SBF2: variants seen among roughly 807,000 people sequenced by gnomAD.
SBF2 encodes the protein SET binding factor 2.
A neutral mutation model predicts 225.2 loss-of-function variants in SBF2; 112 were observed. The ratio of observed to expected loss-of-function variants is 0.50; its 90% confidence interval spans 0.43 to 0.58. SBF2 has a LOEUF of 0.58. Ranked by LOEUF, SBF2 falls within the 20% of genes least tolerant of loss-of-function variation. SBF2 has a pLI of 0.00. For synonymous variants in SBF2, 763 were observed against 773.3 expected, an observed-to-expected ratio of 0.99 and a Z score of 0.22; for missense variants, 1,996 against 2,206.2, an observed-to-expected ratio of 0.90 and a Z score of 1.91.
chr11:10,258,807 C>T (rs1434614216), intron 1 of SBF2, among the ~76,000 whole-genome samples: 1 of 151,744 alleles, frequency 6.6e-6, no homozygotes, highest in African/African-American at 2.4e-5. Flanking sequence ...TAAGATATAT[C>T]TTTAAAAATG....
intron 2 of SBF2, among the ~76,000 whole-genome samples, chr11:10,061,956 C>T (rs1444931149): frequency 6.6e-6 from 1 of 152,152 alleles, no homozygotes; most frequent in East Asian, 1.9e-4. Context: ...TGCAAGGCTA[C>T]AGTAACCAAA....
intron 2 of SBF2, among the ~76,000 whole-genome samples, chr11:10,152,375 A>AC (rs5789628): frequency 0.47 from 71,892 of 151,530 alleles, 17,626 homozygotes; most frequent in Non-Finnish European, 0.54. Flanking sequence ...ACATGGAGAA[A>AC]CCCCTCTCTA....
chr11:10,132,970 A>T (rs933633616), intron 2 of SBF2, among the ~76,000 whole-genome samples: 2 of 149,152 alleles, frequency 1.3e-5, no homozygotes, highest in African/African-American at 5.0e-5. Context: ...CGATTGGTGC[A>T]TTCACAAACC....
At chr11:9,959,363 C>T in intron 16 of SBF2, 1 of 789,140 alleles carries the variant, frequency 1.3e-6, no homozygotes, top group East Asian at 2.4e-5. Flanking sequence ...ACTGGAAGGC[C>T]AACCAAAGGG....
chr11:10,106,484 C>G (rs1341969909), intron 2 of SBF2, among the ~76,000 whole-genome samples: 9 of 151,934 alleles, frequency 5.9e-5, no homozygotes, highest in Non-Finnish European at 1.0e-4. Flanking sequence ...AAAAAAATAG[C>G]CGGACGTGGT....
intron 2 of SBF2, among the ~76,000 whole-genome samples, chr11:10,069,293 C>G (rs1950759079): frequency 6.6e-6 from 1 of 151,150 alleles, no homozygotes; most frequent in African/African-American, 2.4e-5. Context: ...AGGTATTTCT[C>G]CTAATGCTAT....
chr11:10,267,739 C>T (rs1356895915), intron 1 of SBF2, among the ~76,000 whole-genome samples: 3 of 152,104 alleles, frequency 2.0e-5, no homozygotes, highest in Non-Finnish European at 4.4e-5. Flanking sequence ...TATTCTTCTA[C>T]AACCAAATTC....
intron 16 of SBF2, among the ~76,000 whole-genome samples, chr11:9,903,611 G>T (rs1861897952): frequency 6.6e-6 from 1 of 152,172 alleles, no homozygotes; most frequent in Admixed American, 6.5e-5. Context: ...GAACGGGAAA[G>T]AAATGAAATA....
intron 32 of SBF2, among the ~76,000 whole-genome samples, chr11:9,805,870 C>G (rs1247454350): frequency 1.3e-5 from 2 of 152,170 alleles, no homozygotes; most frequent in African/African-American, 4.8e-5. Flanking sequence ...ATCCACCCAC[C>G]TTGGCCTCCC....
At chr11:9,885,513 C>T in intron 17 of SBF2, among the ~76,000 whole-genome samples, 1 of 152,044 alleles carries the variant, frequency 6.6e-6, no homozygotes, top group Middle Eastern at 3.2e-3. Flanking sequence ...TCAAGTTTTA[C>T]AAGACATAAG....
chr11:10,147,978 T>C (rs1954967250), intron 2 of SBF2, among the ~76,000 whole-genome samples: 1 of 152,210 alleles, frequency 6.6e-6, no homozygotes, highest in African/African-American at 2.4e-5. Flanking sequence ...GATAAGTAAC[T>C]ATAAACAGCA....
intron 2 of SBF2, among the ~76,000 whole-genome samples, chr11:10,106,314 A>G (rs1393472560): frequency 6.6e-6 from 1 of 152,144 alleles, no homozygotes. Context: ...TAAGGCAATA[A>G]TCCTTTAGAT....
At chr11:10,110,119 T>C (rs1055809597) in intron 2 of SBF2, among the ~76,000 whole-genome samples, 2 of 152,124 alleles carry the variant, frequency 1.3e-5, no homozygotes, top group Non-Finnish European at 1.5e-5. Context: ...TGAGGAAAAA[T>C]AAAACATTTC....
At chr11:10,193,242 A>G (rs896609369) in intron 2 of SBF2, among the ~76,000 whole-genome samples, 2 of 118,980 alleles carry the variant, frequency 1.7e-5, no homozygotes, top group Non-Finnish European at 3.5e-5. Flanking sequence ...CATTTTCAGG[A>G]AAAAAAAAAT....
chr11:9,908,451 C>G (rs1368224893), intron 16 of SBF2, among the ~76,000 whole-genome samples: 1 of 152,030 alleles, frequency 6.6e-6, no homozygotes, highest in Non-Finnish European at 1.5e-5. Flanking sequence ...CGGTGAAACC[C>G]CGTCTCTACT....
At chr11:9,915,249 C>T (rs1453412189) in intron 16 of SBF2, among the ~76,000 whole-genome samples, 3 of 151,822 alleles carry the variant, frequency 2.0e-5, no homozygotes, top group Non-Finnish European at 4.4e-5. Context: ...GAGATTGAGA[C>T]GGTCCTGGCC....
chr11:9,909,901 C>A (rs560850534), intron 16 of SBF2, among the ~76,000 whole-genome samples: 2 of 151,958 alleles, frequency 1.3e-5, no homozygotes, highest in African/African-American at 4.8e-5. Context: ...CCTGGCATGG[C>A]AGATCAAAGA....
chr11:10,189,284 A>G (rs1450958536), intron 2 of SBF2, among the ~76,000 whole-genome samples: 1 of 152,180 alleles, frequency 6.6e-6, no homozygotes, highest in Non-Finnish European at 1.5e-5. Flanking sequence ...GCCTTTTAAA[A>G]TGTTTGTGAA....
At chr11:9,869,317 A>T (rs1390384935) in intron 17 of SBF2, among the ~76,000 whole-genome samples, 9 of 151,584 alleles carry the variant, frequency 5.9e-5, no homozygotes, top group South Asian at 2.1e-4. Context: ...TTCCCTGAAA[A>T]TTTTTTTTTC....
Sources: allele counts gnomAD v4.1 joint callset (sites outside exome capture counted in the v4.1 genomes callset), GRCh38; gene constraint gnomAD v4.1.1; transcripts MANE v1.5; gene names NCBI Gene and HGNC (gene_info 2026-07-23, HGNC 2026-07-21).